Variants in ZNF532 observed in about 807,000 individuals in gnomAD.
The protein encoded by ZNF532 is zinc finger protein 532.
In ZNF532, 22 loss-of-function variants were observed where a neutral mutation model predicts 89.3. The ratio of observed to expected loss-of-function variants is 0.25; its 90% CI spans 0.18 to 0.35. The LOEUF is 0.35. Among genes scored for constraint, ZNF532 ranks in the 10% least tolerant of loss-of-function variants. The probability of loss-of-function intolerance (pLI) is 1.00; values close to 1 mark genes in which losing one functional copy is unlikely to be tolerated. For missense variants in ZNF532, 1,132 were observed against 1,643.4 expected, an observed-to-expected ratio of 0.69 and a Z score of 5.38; for synonymous variants, 606 against 649.6, an observed-to-expected ratio of 0.93 and a Z score of 1.02.
chr18:58,893,759 T>G (rs2059067504), intron 2 of ZNF532, among the ~76,000 whole-genome samples: 2 of 152,208 alleles, frequency 1.3e-5, no homozygotes, highest in African/African-American at 4.8e-5. Flanking sequence ...AAGAGCTAAC[T>G]TGTCACCTGT....
chr18:58,940,736 C>G (rs969698816), intron 5 of ZNF532, among the ~76,000 whole-genome samples: 1 of 152,152 alleles, frequency 6.6e-6, no homozygotes, highest in Admixed American at 6.5e-5. Context: ...TCGCTCCCTC[C>G]TTGTGCACAC....
At chr18:58,867,320 G>A (rs2056563356) in intron 2 of ZNF532, among the ~76,000 whole-genome samples, 1 of 152,108 alleles carries the variant, frequency 6.6e-6, no homozygotes, top group Non-Finnish European at 1.5e-5. Flanking sequence ...CCTCCCCCTT[G>A]AAGTCTCCTG....
chr18:58,961,109 C>T (rs1483458202), intron 7 of ZNF532, among the ~76,000 whole-genome samples: 1 of 152,120 alleles, frequency 6.6e-6, no homozygotes, highest in Non-Finnish European at 1.5e-5. Context: ...TTGGAGTGTG[C>T]GTCAGAATTA....
chr18:58,873,251 T>G (rs12456497), intron 2 of ZNF532, among the ~76,000 whole-genome samples: 65,702 of 151,904 alleles, frequency 0.43, 14,849 homozygotes, highest in East Asian at 0.61. Flanking sequence ...CAAACACCTG[T>G]GCTCAAGTGA....
chr18:58,961,202 G>A (rs1211360101), intron 7 of ZNF532, among the ~76,000 whole-genome samples: 1 of 152,176 alleles, frequency 6.6e-6, no homozygotes, highest in Non-Finnish European at 1.5e-5. Context: ...CCGATCATTT[G>A]CATTTCTCAC....
upstream of ZNF532, chr18:58,864,001 G>A (rs1194750236): frequency 1.3e-5 from 2 of 152,294 alleles, no homozygotes; most frequent in East Asian, 3.9e-4. Context: ...GGGGGCCGAG[G>A]AGGAACCGCC....
upstream of ZNF532, chr18:58,864,093 A>C (rs2056218843): frequency 6.6e-6 from 1 of 152,164 alleles, no homozygotes; most frequent in South Asian, 2.1e-4. Flanking sequence ...GGCCGGGCAC[A>C]GATGCGTTTC....
At chr18:58,977,182 A>G (rs2067156894) in intron 7 of ZNF532, among the ~76,000 whole-genome samples, 1 of 151,806 alleles carries the variant, frequency 6.6e-6, no homozygotes, top group African/African-American at 2.4e-5. Context: ...AATATCTACC[A>G]GACTGATTTG....
intron 2 of ZNF532, among the ~76,000 whole-genome samples, chr18:58,868,535 G>T (rs1106198): frequency 0.54 from 81,588 of 151,970 alleles, 24,013 homozygotes; most frequent in African/African-American, 0.78. Flanking sequence ...TGGTTCTCTC[G>T]TCCTAGAGTT....
chr18:58,953,509 A>G lies in ZNF532; in HGVS notation c.2869-9A>G, dbSNP rs1312765084. 3 of 1,592,928 alleles carry G rather than the reference A, an allele frequency of 1.9e-6. No individual in the cohort carries two copies. Among genetic ancestry groups the G allele is most frequent in the Non-Finnish European group, 2.6e-6 (3 of 1,171,554 alleles). ...TGTGATAGATATTTCTTTTCTTTTT[A>G]TAATGTAGTCTATGCATGGAACATT... On this transcript the variant is annotated splice_polypyrimidine_tract_variant and intron_variant, in intron 6 of 9. Coordinates refer to ENST00000591808, the MANE Select transcript of ZNF532 (RefSeq NM_001375912.1).
At chr18:58,964,444 A>G (rs138298431) in intron 7 of ZNF532, among the ~76,000 whole-genome samples, 67 of 152,006 alleles carry the variant, frequency 4.4e-4, no homozygotes, top group Admixed American at 1.3e-3. Flanking sequence ...GCACATTAAG[A>G]GTTTGTATAT....
Position 58,919,984 on chromosome 18 carries a change from A to G in ZNF532, c.1697A>G (p.Lys566Arg). 6.2e-7 allele frequency: 1 copy of G among 1,613,698 alleles called. No individual in the cohort carries two copies. The highest frequency in any genetic ancestry group is 8.5e-7 in the Non-Finnish European group (1 of 1,179,736). ...GCAGCAGCCTCGCAACCCCCCAAAA[A>G]GGTGTCTCGAGTCCAGGTGGTGTCG... ...INAAASQPPK[K>R]VSRVQVVSSL... is the part of the protein sequence containing the mutation. The change falls in exon 3 of 10, where the codon AAG becomes AGG. Residue 566 changes from lysine to arginine, a missense_variant. Around this residue, in one of 9 missense-constraint regions of ZNF532, gnomAD observed 97 missense variants for 143.7 expected, o/e 0.68. Transcript: ENST00000591808. The surrounding 1 kb of genome is among the most constrained non-coding windows in gnomAD (Gnocchi z 6.1).
intron 5 of ZNF532, among the ~76,000 whole-genome samples, chr18:58,941,356 G>A (rs2063002562): frequency 1.3e-5 from 2 of 151,800 alleles, no homozygotes; most frequent in Admixed American, 1.3e-4. Context: ...AACAGTAGTT[G>A]TTACCTCAGA....
intron 3 of ZNF532, among the ~76,000 whole-genome samples, chr18:58,925,447 A>G (rs1382395636): frequency 6.6e-6 from 1 of 151,936 alleles, no homozygotes; most frequent in African/African-American, 2.4e-5. Context: ...TCTTTTGCCC[A>G]TTTCTAATTA....
At position 58,890,937 on chromosome 18, in the gene ZNF532, C is replaced by A. The variant is rs192444237; in HGVS notation, c.-18+25358C>A. Among the ~76,000 whole-genome samples the A allele has an allele frequency of 4.0e-4, 61 of 151,912 alleles. 1 individual carries two copies. In the East Asian group the frequency reaches 1.0e-2, roughly 25 times the overall value. On this transcript the variant is annotated intron_variant, in intron 2 of 9. Transcript: ENST00000591808. ...ATAGCTCACTGCAGCCTTGACCTCC[C>A]GGGTTCAAGTGATCCTCCCACCTCA...
intron 2 of ZNF532, among the ~76,000 whole-genome samples, chr18:58,874,973 C>T (rs772024225): frequency 2.0e-5 from 3 of 151,804 alleles, no homozygotes; most frequent in Non-Finnish European, 4.4e-5. Context: ...GTGTGGTAGC[C>T]ACTAGCCACA....
At chr18:58,975,448 AG>A (rs1281499143) in intron 7 of ZNF532, among the ~76,000 whole-genome samples, 1 of 152,230 alleles carries the variant, frequency 6.6e-6, no homozygotes, top group Admixed American at 6.5e-5. Context: ...GCACAGAAAC[AG>A]AAAGGACAAG....
At chr18:58,979,914 A>C (rs540320875) in intron 8 of ZNF532, 2 of 152,424 alleles carry the variant, frequency 1.3e-5, no homozygotes, top group East Asian at 3.9e-4. Context: ...CCCAGACTCC[A>C]GTGGACAGTC....
In ZNF532 at chr18:58,977,269, G is replaced by A. The variant is rs911548276; in HGVS notation, c.3151-1786G>A. 2.4e-4 allele frequency among the ~76,000 whole-genome samples: 37 copies of A among 152,212 alleles called. 1 individual carries two copies. Among genetic ancestry groups the A allele is most frequent in the Admixed American group, 4.6e-4 (7 of 15,282 alleles). On this transcript the variant is annotated intron_variant, in intron 7 of 9. Coordinates refer to ENST00000591808, the MANE Select transcript of ZNF532 (RefSeq NM_001375912.1). Reference sequence around the variant, plus strand: ...GCTGCATAACTTGACTATTACAAGAGCATTTCCTGAGCGATGTGTCCCATG... The same window carrying A: ...GCTGCATAACTTGACTATTACAAGAACATTTCCTGAGCGATGTGTCCCATG...
Sources: allele counts gnomAD v4.1 joint callset (sites outside exome capture counted in the v4.1 genomes callset), GRCh38; gene constraint gnomAD v4.1.1; regional missense constraint gnomAD v4.1.1; non-coding constraint Gnocchi (gnomAD v3.1); transcripts MANE v1.5; gene names NCBI Gene and HGNC (gene_info 2026-07-23, HGNC 2026-07-21).